The following NFIA variants were observed in gnomAD, a reference collection of about 807,000 sequenced individuals.
NFIA encodes nuclear factor 1 A-type.
In NFIA, 8 loss-of-function variants were observed where a neutral mutation model predicts 62.8. That is an observed-to-expected ratio of 0.13 (90% CI 0.07 to 0.23). The LOEUF is 0.23. Among genes scored for constraint, NFIA ranks in the 10% least tolerant of loss-of-function variants. NFIA has a pLI of 1.00. For missense variants in NFIA, 410 were observed against 642.1 expected (o/e 0.64, Z 3.91); for synonymous variants, 235 against 238.1 (o/e 0.99, Z 0.12).
At chr1:61,166,254 A>G (rs947011851) in intron 2 of NFIA, among the ~76,000 whole-genome samples, 2 of 152,200 alleles carry the variant, frequency 1.3e-5, no homozygotes, top group African/African-American at 2.4e-5. Flanking sequence ...TGCCAGACGC[A>G]TTGAAATTGC....
chr1:61,120,713 A>G (rs758684760), intron 2 of NFIA, among the ~76,000 whole-genome samples: 1 of 152,228 alleles, frequency 6.6e-6, no homozygotes, highest in Non-Finnish European at 1.5e-5. Flanking sequence ...GGAAGTTATT[A>G]ACAATCTGCA....
At chr1:61,131,174 T>C (rs1300815125) in intron 2 of NFIA, among the ~76,000 whole-genome samples, 1 of 151,286 alleles carries the variant, frequency 6.6e-6, no homozygotes, top group Admixed American at 6.6e-5. Context: ...TTTTTTTTTT[T>C]GCTAAATCTT....
At chr1:61,340,963 C>T (rs900162431) in intron 4 of NFIA, among the ~76,000 whole-genome samples, 3 of 151,802 alleles carry the variant, frequency 2.0e-5, no homozygotes, top group Non-Finnish European at 4.4e-5. Context: ...TAGGATATCT[C>T]GTGGATAGCA....
intron 2 of NFIA, among the ~76,000 whole-genome samples, chr1:61,139,165 A>C (rs1647315032): frequency 6.6e-6 from 1 of 152,162 alleles, no homozygotes; most frequent in South Asian, 2.1e-4. Context: ...GCAACAGAGC[A>C]AGACTGTCTC....
Position 61,126,993 on chromosome 1 carries a change from A to G in NFIA, c.559+38313A>G, listed in dbSNP as rs1165598397. ...TTTTTAGTAGAGATGGGGTTTCGCC[A>G]TGATGGCCAGGCTGGTCTCCTCCTG... On this transcript the variant is annotated intron_variant, in intron 2 of 10. Coordinates refer to ENST00000403491, the MANE Select transcript of NFIA (RefSeq NM_001134673.4). Among the ~76,000 whole-genome samples, 8 of 151,386 alleles carry G rather than the reference A, an allele frequency of 5.3e-5. No homozygotes were observed. The East Asian group carries it at 1.4e-3, about 26-fold the overall frequency.
chr1:61,139,194 A>C (rs1186039512), intron 2 of NFIA, among the ~76,000 whole-genome samples: 1 of 152,078 alleles, frequency 6.6e-6, no homozygotes, highest in African/African-American at 2.4e-5. Context: ...CAAAAGAACA[A>C]AACTCTCTGG....
At chr1:61,147,799 C>G (rs1204196968) in intron 2 of NFIA, among the ~76,000 whole-genome samples, 5 of 152,010 alleles carry the variant, frequency 3.3e-5, no homozygotes, top group African/African-American at 1.2e-4. Context: ...CCTGAAACTT[C>G]GGTTGGATTA....
chr1:61,409,829 G>T (rs892129522), intron 9 of NFIA, among the ~76,000 whole-genome samples: 1 of 152,194 alleles, frequency 6.6e-6, no homozygotes, highest in Non-Finnish European at 1.5e-5. Context: ...GGGTGGGGTG[G>T]TAGGGACTAG....
At chr1:61,334,535 ATGTGTG>A (rs35661377) in intron 4 of NFIA, among the ~76,000 whole-genome samples, 1 of 58,610 alleles carries the variant, frequency 1.7e-5, no homozygotes, top group Non-Finnish European at 3.0e-5. Context: ...GTGTGTATAT[ATGTGTG>A]TGTGTGTGTG....
At chr1:61,275,643 T>C (rs1170790631) in intron 2 of NFIA, among the ~76,000 whole-genome samples, 1 of 152,160 alleles carries the variant, frequency 6.6e-6, no homozygotes, top group African/African-American at 2.4e-5. Context: ...CGGGACATGA[T>C]CAAGAATTTT....
At chr1:61,359,012 G>C (rs1663137066) in intron 5 of NFIA, 135 bp from the exon 6 acceptor site, 2 of 1,268,540 alleles carry the variant, frequency 1.6e-6, no homozygotes, top group Admixed American at 2.2e-5. Context: ...CTGAACAGAA[G>C]TTTAAAAGGA....
intron 3 of NFIA, among the ~76,000 whole-genome samples, chr1:61,302,952 C>G (rs564194735): frequency 8.2e-4 from 125 of 152,146 alleles, no homozygotes; most frequent in Admixed American, 3.8e-3. Context: ...TTTAGTACAC[C>G]CCCAACTCCC....
intron 2 of NFIA, among the ~76,000 whole-genome samples, chr1:61,127,196 G>A (rs949544352): frequency 6.8e-5 from 10 of 147,566 alleles, no homozygotes; most frequent in Non-Finnish European, 1.5e-4. Flanking sequence ...AGCAGCTCAC[G>A]CCTGTAATCC....
chr1:61,417,836 C>G (rs576984165), intron 9 of NFIA, among the ~76,000 whole-genome samples: 1 of 152,088 alleles, frequency 6.6e-6, no homozygotes, highest in Non-Finnish European at 1.5e-5. Flanking sequence ...ATTTGCAAAG[C>G]CTCTCCATAG....
intron 3 of NFIA, among the ~76,000 whole-genome samples, chr1:61,308,689 ACT>A (rs1401268912): frequency 1.1e-4 from 17 of 152,214 alleles, no homozygotes; most frequent in Admixed American, 9.8e-4. Context: ...AATCATTTAA[ACT>A]TTCTGTCTTA....
intron 2 of NFIA, among the ~76,000 whole-genome samples, chr1:61,211,401 T>C (rs1283372780): frequency 6.6e-6 from 1 of 152,198 alleles, no homozygotes; most frequent in Non-Finnish European, 1.5e-5. Flanking sequence ...TTAGTAATGA[T>C]AATATTTAAG....
At chr1:61,331,456 A>T (rs1034686400) in intron 3 of NFIA, among the ~76,000 whole-genome samples, 1 of 152,236 alleles carries the variant, frequency 6.6e-6, no homozygotes, top group Admixed American at 6.5e-5. Context: ...TCTAGCTTTT[A>T]TTAATAACAA....
At chr1:61,448,440 G>A (rs6684071) in intron 10 of NFIA, among the ~76,000 whole-genome samples, 21,626 of 152,094 alleles carry the variant, frequency 0.14, 3,500 homozygotes, top group African/African-American at 0.4. Flanking sequence ...TGGGGACGTT[G>A]GGTCTCACGT....
chr1:61,267,174 A>G (rs1657225657), intron 2 of NFIA, among the ~76,000 whole-genome samples: 4 of 152,186 alleles, frequency 2.6e-5, no homozygotes, highest in Admixed American at 2.0e-4. Context: ...TATGTATGCA[A>G]TTGTTTCTAA....
Sources: allele counts gnomAD v4.1 joint callset (sites outside exome capture counted in the v4.1 genomes callset), GRCh38; gene constraint gnomAD v4.1.1; transcripts MANE v1.5; gene names NCBI Gene and HGNC (gene_info 2026-07-23, HGNC 2026-07-21).